DCAF6: variants seen among roughly 807,000 people sequenced by gnomAD.
DCAF6 encodes DDB1- and CUL4-associated factor 6.
A neutral mutation model predicts 125.1 loss-of-function variants in DCAF6; 54 were observed. The ratio of observed to expected loss-of-function variants is 0.43; its 90% confidence interval spans 0.35 to 0.54. The LOEUF is 0.54. Among genes scored for constraint, DCAF6 ranks in the 20% least tolerant of loss-of-function variants. The pLI, the probability that DCAF6 is intolerant of heterozygous loss-of-function variation, is 0.01. For synonymous variants in DCAF6, 371 were observed against 390.4 expected, an observed-to-expected ratio of 0.95 and a Z score of 0.58; for missense variants, 934 against 1,161.7, an observed-to-expected ratio of 0.80 and a Z score of 2.85.
At position 167,936,790 on chromosome 1, in the gene DCAF6, C is replaced by T; in HGVS notation, c.-122C>T. The T allele has an allele frequency of 2.3e-6, 2 of 852,872 alleles. No homozygotes were observed. Among genetic ancestry groups the T allele is most frequent in the Non-Finnish European group, 3.7e-6 (2 of 543,172 alleles). 52.8% of individuals were successfully genotyped at this position (852,872 alleles called of 1,614,324 possible). ...CTGCTGCCACCGCCATCTAACGCTG[C>T]GCCCTGGAGGCCCGGCGCGCGGATG... On this transcript the variant is annotated 5_prime_UTR_variant, in exon 1 of 22. Transcript: ENST00000367840.
At chr1:168,036,683 C>T (rs953699967) in intron 12 of DCAF6, among the ~76,000 whole-genome samples, 1 of 152,096 alleles carries the variant, frequency 6.6e-6, no homozygotes, top group Non-Finnish European at 1.5e-5. Context: ...CAGATGTTTC[C>T]TTAATACATT....
intron 12 of DCAF6, among the ~76,000 whole-genome samples, chr1:168,036,075 A>T (rs1687768044): frequency 6.6e-6 from 1 of 152,120 alleles, no homozygotes; most frequent in Non-Finnish European, 1.5e-5. Flanking sequence ...AAAAATAAAA[A>T]CAAAACAAAA....
intron 16 of DCAF6, among the ~76,000 whole-genome samples, chr1:168,045,826 C>A (rs1689094734): frequency 6.6e-6 from 1 of 151,914 alleles, no homozygotes; most frequent in African/African-American, 2.4e-5. Context: ...GATATATTTT[C>A]TTTTGTGGGA....
At chr1:167,985,194 T>TGTGTGTGTGTGTGTGTGTGTGTG (rs1176926849) in intron 4 of DCAF6, among the ~76,000 whole-genome samples, 1 of 149,756 alleles carries the variant, frequency 6.7e-6, no homozygotes, top group Non-Finnish European at 1.5e-5. Flanking sequence ...CGTGTGTGTG[T>TGTGTGTGTGTGTGTGTGTGTGTG]GTGTGTGTGT....
Position 168,044,895 on chromosome 1 carries a change from G to C in DCAF6, c.1931-5G>C, listed in dbSNP as rs777671449. On this transcript the variant is annotated splice_polypyrimidine_tract_variant and splice_region_variant and intron_variant, in intron 15 of 21. Transcript: ENST00000367840. ...CCTGTTACATACAACTTTATTTTCT[G>C]ACAGCACAATCAGATAAGTTCACAG... 12 of 1,611,184 alleles carry C rather than the reference G, an allele frequency of 7.4e-6. No individual in the cohort carries two copies. The Admixed American group carries it at 1.3e-4, about 18-fold the overall frequency.
chr1:168,054,359 CTCT>C (rs1014295964), intron 17 of DCAF6, among the ~76,000 whole-genome samples: 2 of 152,166 alleles, frequency 1.3e-5, no homozygotes, highest in African/African-American at 4.8e-5. Flanking sequence ...GCTTCTCTTC[CTCT>C]TCTTATAAAG....
chr1:167,980,868 A>G (rs1246136803), intron 4 of DCAF6, among the ~76,000 whole-genome samples: 1 of 151,042 alleles, frequency 6.6e-6, no homozygotes, highest in African/African-American at 2.4e-5. Flanking sequence ...TGTTATATCT[A>G]ATAAATCATT....
Position 168,004,463 on chromosome 1 carries a change from A to G in DCAF6, c.1118-70A>G, listed in dbSNP as rs74120593. The G allele has an allele frequency of 5.8e-3, 8,340 of 1,437,848 alleles. 418 individuals carry two copies. The African/African-American group carries it at 0.11, about 18-fold the overall frequency. The allele number at this position is 1,437,848 out of a possible 1,614,324, so 89.1% of individuals were successfully genotyped here. A position where few individuals can be genotyped will look rare whatever the true frequency, so the allele number is the denominator to read the frequency against. On this transcript the variant is annotated intron_variant, in intron 9 of 21. Transcript: ENST00000367840. ...GTAAATATAAATGTGTTTTCTGAGC[A>G]TATCTGTTTAGAGTTGTTGGTTTTA...
chr1:167,982,324 C>A (rs1338585039), intron 4 of DCAF6, among the ~76,000 whole-genome samples: 1 of 152,130 alleles, frequency 6.6e-6, no homozygotes, highest in African/African-American at 2.4e-5. Context: ...TCACAGCAAC[C>A]TCCTCTTCCT....
intron 11 of DCAF6, among the ~76,000 whole-genome samples, chr1:168,022,309 A>G (rs1301335740): frequency 6.6e-6 from 1 of 152,228 alleles, no homozygotes; most frequent in African/African-American, 2.4e-5. Flanking sequence ...TTTGAAGCCA[A>G]GGTAGAAAGT....
At chr1:168,050,794 G>T in intron 16 of DCAF6, 98 bp from the exon 17 acceptor site, 1 of 629,690 alleles carries the variant, frequency 1.6e-6, no homozygotes. Context: ...TTTTTAAATT[G>T]AGATGATTGA....
the DCAF6 span, among the ~76,000 whole-genome samples, chr1:167,865,186 A>T: frequency 6.6e-6 from 1 of 152,200 alleles, no homozygotes; most frequent in Non-Finnish European, 1.5e-5. Context: ...TACTTTTGGT[A>T]AAAAGATTAG....
the DCAF6 span, among the ~76,000 whole-genome samples, chr1:167,877,111 C>T: frequency 1.3e-5 from 2 of 151,634 alleles, no homozygotes; most frequent in African/African-American, 2.4e-5. Flanking sequence ...TGTGATTGCC[C>T]GTAAGGTCAC....
rs115885665 is a variant in DCAF6 at position 168,065,485 on chromosome 1, T to A, written c.2440-105T>A. On this transcript the variant is annotated intron_variant, in intron 18 of 21. Transcript: ENST00000367840. The stretch of plus-strand genomic sequence containing the variant: ...TTTACTATTTTCTAAGCCAGTTTTT[T>A]AAAAAATGTAAGAATTAAAACAAAT... 2.4e-3 allele frequency: 2,242 copies of A among 940,988 alleles called. 30 individuals carry two copies. In the African/African-American group the frequency reaches 0.033, roughly 14 times the overall value. 58.3% of individuals were successfully genotyped at this position (940,988 alleles called of 1,614,324 possible).
chr1:167,971,833 A>G (rs1049950280), intron 3 of DCAF6, among the ~76,000 whole-genome samples: 15 of 152,180 alleles, frequency 9.9e-5, no homozygotes, highest in Non-Finnish European at 2.9e-5. Context: ...AGATAAATCC[A>G]TCAATAAAAA....
the DCAF6 span, among the ~76,000 whole-genome samples, chr1:167,913,756 G>T: frequency 6.6e-6 from 1 of 151,974 alleles, no homozygotes; most frequent in African/African-American, 2.4e-5. Context: ...AAGTAAGCTA[G>T]AAAGACAGAG....
chr1:168,053,949 C>T (rs1027211060), intron 17 of DCAF6, among the ~76,000 whole-genome samples: 1 of 152,080 alleles, frequency 6.6e-6, no homozygotes, highest in African/African-American at 2.4e-5. Flanking sequence ...ACCTGCTATC[C>T]CTTACCTTTA....
intron 17 of DCAF6, among the ~76,000 whole-genome samples, chr1:168,059,631 A>G (rs1248442430): frequency 6.6e-6 from 1 of 152,120 alleles, no homozygotes; most frequent in East Asian, 1.9e-4. Context: ...AGTTATGTCT[A>G]CATTTATTTA....
At chr1:167,995,100 C>T (rs1193946584) in intron 7 of DCAF6, among the ~76,000 whole-genome samples, 1 of 152,116 alleles carries the variant, frequency 6.6e-6, no homozygotes, top group Admixed American at 6.6e-5. Flanking sequence ...AACATGAAAT[C>T]TGCTCTGTCA....
Sources: allele counts gnomAD v4.1 joint callset (sites outside exome capture counted in the v4.1 genomes callset), GRCh38; gene constraint gnomAD v4.1.1; transcripts MANE v1.5; gene names NCBI Gene and HGNC (gene_info 2026-07-23, HGNC 2026-07-21).